NUP188: variants seen among roughly 807,000 people sequenced by gnomAD.
The protein encoded by NUP188 is nucleoporin NUP188.
Under a neutral mutation model 223.0 loss-of-function variants are expected in NUP188, and 97 were observed. That is an observed-to-expected ratio of 0.43 (90% CI 0.37 to 0.51). The LOEUF (loss-of-function observed/expected upper bound fraction) is 0.51, where lower values mean the gene tolerates loss of function less well. Ranked by LOEUF, NUP188 falls within the 20% of genes least tolerant of loss-of-function variation. NUP188 has a pLI of 0.00. For synonymous variants in NUP188, 869 were observed against 828.0 expected (o/e 1.05, Z -0.85); for missense variants, 1,947 against 2,175.6 (o/e 0.89, Z 2.09).
intron 8 of NUP188, among the ~76,000 whole-genome samples, chr9:128,967,495 A>C (rs1157457581): frequency 6.6e-6 from 1 of 152,128 alleles, no homozygotes; most frequent in Non-Finnish European, 1.5e-5. Context: ...CTTCTACAAA[A>C]AATTTAAAAA....
intron 12 of NUP188, among the ~76,000 whole-genome samples, chr9:128,978,580 G>C (rs1028322648): frequency 4.4e-5 from 6 of 135,212 alleles, no homozygotes; most frequent in Non-Finnish European, 6.3e-5. Context: ...AAAAAAAAAA[G>C]GTAAAAAGGA....
intron 12 of NUP188, among the ~76,000 whole-genome samples, chr9:128,975,202 A>T: frequency 2.1e-5 from 3 of 145,212 alleles, no homozygotes; most frequent in South Asian, 2.2e-4. Context: ...TTTAAATTTA[A>T]TTAATTAATT....
chr9:128,998,338 G>A (rs558512688), intron 31 of NUP188, 110 bp downstream of exon 31: 3 of 1,116,042 alleles, frequency 2.7e-6, no homozygotes, highest in Non-Finnish European at 4.1e-6. Flanking sequence ...AGGTCACAGG[G>A]CTCACGTTGG....
At chr9:129,002,676 G>A in intron 36 of NUP188, 141 bp from the exon 37 acceptor site, 1 of 826,040 alleles carries the variant, frequency 1.2e-6, no homozygotes, top group Non-Finnish European at 1.9e-6. Context: ...CCCCTTTCTG[G>A]CCCTGGTGGC....
intron 12 of NUP188, 102 bp from the exon 13 acceptor site, chr9:128,979,160 T>C: frequency 2.5e-6 from 2 of 788,084 alleles, no homozygotes; most frequent in Non-Finnish European, 4.2e-6. Flanking sequence ...CACTTTAGTG[T>C]TTATTGGTGT....
intron 25 of NUP188, among the ~76,000 whole-genome samples, chr9:128,992,119 G>A (rs1431897859): frequency 2.0e-5 from 3 of 151,440 alleles, no homozygotes; most frequent in African/African-American, 7.3e-5. Flanking sequence ...CCGTGGTCTC[G>A]ATTTCCTGAC....
chr9:128,961,085 CAAA>C (rs561298362), intron 8 of NUP188, among the ~76,000 whole-genome samples: 1 of 41,016 alleles, frequency 2.4e-5, no homozygotes, highest in Non-Finnish European at 4.9e-5. Context: ...GACTCCGTCT[CAAA>C]AAAAAAAAAA....
rs1211638073 is a variant in NUP188, at chr9:128,964,346, T to G, written c.586-4160T>G. The G allele has an allele frequency of 1.6e-5, 5 of 321,420 alleles. No individual in the cohort carries two copies. The East Asian group carries it at 4.8e-4, about 31-fold the overall frequency. The allele number at this position is 321,420 out of a possible 1,614,324, so 19.9% of individuals were successfully genotyped here. A position where few individuals can be genotyped will look rare whatever the true frequency, so the allele number is the denominator to read the frequency against. ...CTTTTTTCTTCCACCTAGTGGCTTG[T>G]CTTTTCCCACCTTAATTCTTTTTTT... On this transcript the variant is annotated intron_variant, in intron 8 of 43. Coordinates refer to ENST00000372577, the MANE Select transcript of NUP188 (RefSeq NM_015354.3).
At chr9:128,947,850 G>A (rs1445631050) in intron 1 of NUP188, 99 bp downstream of exon 1, 1 of 1,189,932 alleles carries the variant, frequency 8.4e-7, no homozygotes, top group Non-Finnish European at 1.1e-6. Flanking sequence ...GGCGACAGTG[G>A]CAGGGCCAAC....
Position 128,987,612 on chromosome 9 carries a change from T to G in NUP188, c.2288T>G (p.Leu763Arg), listed in dbSNP as rs1842356235. 1 of 1,613,464 alleles carries G rather than the reference T, an allele frequency of 6.2e-7. No individual in the cohort carries two copies. Among genetic ancestry groups the G allele is most frequent in the South Asian group, 1.1e-5 (1 of 90,934 alleles). Residue 763 changes from leucine to arginine, a missense_variant, in exon 23 of 44, where the codon CTC becomes CGC. Physicochemically the swap from Leu to Arg is moderately radical, Grantham distance 102. Transcript: ENST00000372577. ...AGTCATACTCCCAGCCTGCAGTTTC[T>G]CTGCATCTGCAGCCTGGCATACACA... ...HSSHTPSLQF[L>R]CICSLAYTEA...
Position 129,005,793 on chromosome 9 carries a change from A to G in NUP188, c.4869+17A>G. The stretch of plus-strand genomic sequence containing the variant: ...CTTGGAGAGGTAAGTTGGTTCTGTC[A>G]GACACTGTCCTCTCCCCCCGGCTCC... On this transcript the variant is annotated intron_variant, in intron 41 of 43. Coordinates refer to ENST00000372577, the MANE Select transcript of NUP188 (RefSeq NM_015354.3). 6 of 1,592,754 alleles carry G rather than the reference A, an allele frequency of 3.8e-6. No individual in the cohort carries two copies. The highest frequency in any genetic ancestry group is 5.1e-6 in the Non-Finnish European group (6 of 1,169,414).
At chr9:128,979,554 G>A (rs1842226550) in intron 13 of NUP188, among the ~76,000 whole-genome samples, 2 of 151,874 alleles carry the variant, frequency 1.3e-5, no homozygotes, top group South Asian at 4.2e-4. Context: ...CCAGAACCCA[G>A]TTCTGTCTGA....
chr9:128,992,675 A>G (rs1188414324), intron 25 of NUP188, among the ~76,000 whole-genome samples: 2 of 152,014 alleles, frequency 1.3e-5, no homozygotes, highest in African/African-American at 2.4e-5. Flanking sequence ...GAATGGATGC[A>G]TCCTGATTTA....
Position 129,002,950 on chromosome 9 carries a change from G to A in NUP188, c.4271G>A (p.Gly1424Asp), listed in dbSNP as rs1475545395. ...CTGCCTGAGGCCCTGGACTTCGTGG[G>A]TGTCCACCAGGAGCGGACCTTACAG... ...NFLPEALDFVGVHQERTLQCL... is the reference protein window; with the variant it reads ...NFLPEALDFVDVHQERTLQCL... The change falls in exon 37 of 44, where the codon GGT becomes GAT. Residue 1424 changes from glycine (G) to aspartate (D), a missense_variant. Physicochemically the swap from Gly to Asp is moderately conservative, Grantham distance 94. Transcript: ENST00000372577. 1 of 1,614,214 alleles carries A rather than the reference G, an allele frequency of 6.2e-7. No individual in the cohort carries two copies. The highest frequency in any genetic ancestry group is 8.5e-7 in the Non-Finnish European group (1 of 1,180,046).
chr9:128,968,140 C>T (rs1842057110), intron 8 of NUP188, among the ~76,000 whole-genome samples: 1 of 152,078 alleles, frequency 6.6e-6, no homozygotes, highest in Admixed American at 6.6e-5. Flanking sequence ...TTTGTGCTCA[C>T]TTTTAGTCCT....
chr9:129,001,141 G>A (rs934331622), intron 34 of NUP188, among the ~76,000 whole-genome samples: 2 of 152,126 alleles, frequency 1.3e-5, no homozygotes, highest in African/African-American at 4.8e-5. Context: ...TTTAGGAGAT[G>A]GTTGCAGTAG....
intron 38 of NUP188, chr9:129,003,792 G>T: frequency 2.9e-6 from 1 of 342,774 alleles, no homozygotes; most frequent in Non-Finnish European, 5.5e-6. Context: ...GGCCAACATG[G>T]TGAAACCCTG....
In NUP188 at chr9:129,005,196, G is replaced by A. The variant is rs775022702; in HGVS notation, c.4484G>A (p.Arg1495Gln). The A allele has an allele frequency of 7.4e-6, 12 of 1,614,102 alleles. No homozygotes were observed. The highest frequency in any genetic ancestry group is 3.3e-5 in the South Asian group (3 of 91,074). The change falls in exon 39 of 44, where the codon CGA becomes CAA. Residue 1495 changes from arginine (R) to glutamine (Q), a missense_variant. Transcript: ENST00000372577. ...CQACTSLLHS[R>Q]KMLQHYLQNK... is the part of the protein sequence containing the mutation. ...GCATGTACCTCTCTCCTGCACAGTC[G>A]AAAGATGCTGCAGCATTACTTACAG...
chr9:129,006,116 A>T lies in NUP188; in HGVS notation c.4936A>T (p.Thr1646Ser), dbSNP rs760085504. Residue 1646 changes from threonine (T) to serine (S), a missense_variant, in exon 42 of 44, where the codon ACG becomes TCG. By Grantham distance (58) the Thr-to-Ser change is moderately conservative. Transcript: ENST00000372577. ...CAGCACACAGGCAGAAGGGACCAGG[A>T]CGTTAAAGTAAGTGCTCTTTCTGGG... ...GLSTQAEGTR[T>S]LKSLLMFTME... 6 of 1,614,170 alleles carry T rather than the reference A, an allele frequency of 3.7e-6. No homozygotes were observed. The highest frequency in any genetic ancestry group is 1.7e-5 in the Admixed American group (1 of 60,024).
Sources: allele counts gnomAD v4.1 joint callset (sites outside exome capture counted in the v4.1 genomes callset), GRCh38; gene constraint gnomAD v4.1.1; transcripts MANE v1.5; gene names NCBI Gene and HGNC (gene_info 2026-07-23, HGNC 2026-07-21).